The following TASP1 variants were observed in gnomAD, a reference collection of about 807,000 sequenced individuals.
TASP1 encodes the protein threonine aspartase 1.
A neutral mutation model predicts 56.6 loss-of-function variants in TASP1; 16 were observed. The ratio of observed to expected loss-of-function variants is 0.28; its 90% confidence interval spans 0.19 to 0.43. The LOEUF (loss-of-function observed/expected upper bound fraction) is 0.43, where lower values mean the gene tolerates loss of function less well. TASP1 is among the 20% of genes least tolerant of loss of function. TASP1 has a pLI of 1.00. For synonymous variants in TASP1, 179 were observed against 184.2 expected (o/e 0.97, Z 0.23); for missense variants, 393 against 511.6 (o/e 0.77, Z 2.24).
At chr20:13,251,809 C>T in the TASP1 span, among the ~76,000 whole-genome samples, 2 of 152,082 alleles carry the variant, frequency 1.3e-5, no homozygotes, top group African/African-American at 2.4e-5. Flanking sequence ...CTTTTCTGTA[C>T]GCCACTGGGG....
chr20:13,634,728 CAAAAAAAA>C (rs559609508), intron 1 of TASP1, among the ~76,000 whole-genome samples: 3 of 53,416 alleles, frequency 5.6e-5, no homozygotes, highest in Non-Finnish European at 7.7e-5. Context: ...AAACTCCGTC[CAAAAAAAA>C]AAAAAAAAAA....
the TASP1 span, among the ~76,000 whole-genome samples, chr20:13,131,742 CT>C: frequency 1.1e-4 from 16 of 152,170 alleles, no homozygotes. Flanking sequence ...TTGCTCTTGC[CT>C]TTTTATGGCT....
At chr20:13,353,976 A>G in the TASP1 span, among the ~76,000 whole-genome samples, 2 of 152,214 alleles carry the variant, frequency 1.3e-5, no homozygotes, top group Non-Finnish European at 2.9e-5. Flanking sequence ...AAGTCTCACA[A>G]AACTTAACAT....
At chr20:13,610,812 A>G (rs2048325369) in intron 4 of TASP1, among the ~76,000 whole-genome samples, 1 of 152,162 alleles carries the variant, frequency 6.6e-6, no homozygotes, top group African/African-American at 2.4e-5. Flanking sequence ...ACCTCCAACA[A>G]TTCTAATCCA....
At chr20:13,298,905 A>G in the TASP1 span, 39 of 1,601,456 alleles carry the variant, frequency 2.4e-5, no homozygotes, top group Non-Finnish European at 3.2e-5. Context: ...GGCCGGTTGT[A>G]CACGCGGTGA....
intron 10 of TASP1, among the ~76,000 whole-genome samples, chr20:13,499,571 C>T (rs1187377957): frequency 6.6e-6 from 1 of 152,018 alleles, no homozygotes; most frequent in Non-Finnish European, 1.5e-5. Context: ...ATACTTGGAG[C>T]ATCTGCAGCC....
intron 7 of TASP1, among the ~76,000 whole-genome samples, chr20:13,567,374 T>C (rs1247462363): frequency 6.6e-6 from 1 of 152,140 alleles, no homozygotes; most frequent in Non-Finnish European, 1.5e-5. Context: ...CCCTGTGACA[T>C]GAGTTTACCT....
chr20:13,114,501 G>A, the TASP1 span, among the ~76,000 whole-genome samples: 7 of 152,144 alleles, frequency 4.6e-5, no homozygotes, highest in African/African-American at 1.7e-4. Flanking sequence ...ATAATAGTCA[G>A]CTCTTCTAAA....
the TASP1 span, among the ~76,000 whole-genome samples, chr20:13,180,846 T>C: frequency 6.6e-6 from 1 of 152,192 alleles, no homozygotes; most frequent in South Asian, 2.1e-4. Flanking sequence ...GAGATGCTCA[T>C]GTTCTGGCAA....
At chr20:13,470,441 C>A (rs1600899973) in intron 11 of TASP1, among the ~76,000 whole-genome samples, 1 of 152,102 alleles carries the variant, frequency 6.6e-6, no homozygotes, top group Non-Finnish European at 1.5e-5. Flanking sequence ...CCCATCTTTT[C>A]TTTTTCCTTT....
chr20:13,459,118 C>A (rs1363961536), intron 11 of TASP1, among the ~76,000 whole-genome samples: 1 of 152,084 alleles, frequency 6.6e-6, no homozygotes, highest in Non-Finnish European at 1.5e-5. Context: ...TGTCATAATA[C>A]CTAGTTGACT....
chr20:13,169,416 G>A, the TASP1 span, among the ~76,000 whole-genome samples: 3 of 152,002 alleles, frequency 2.0e-5, no homozygotes, highest in Non-Finnish European at 4.4e-5. Context: ...CAATACAAAC[G>A]TAAGAGTAAA....
chr20:13,110,283 G>T, the TASP1 span: 1 of 1,353,810 alleles, frequency 7.4e-7, no homozygotes. Flanking sequence ...GTGCGGAAAG[G>T]CTCACCTTTC....
the TASP1 span, chr20:13,221,902 A>G: frequency 7.3e-7 from 1 of 1,373,378 alleles, no homozygotes; most frequent in African/African-American, 1.5e-5. Context: ...ACGCCAGCCA[A>G]GCCCAGCTGC....
At chr20:13,330,569 G>A in the TASP1 span, among the ~76,000 whole-genome samples, 1 of 152,168 alleles carries the variant, frequency 6.6e-6, no homozygotes, top group Non-Finnish European at 1.5e-5. Flanking sequence ...ATCTCCTAGA[G>A]GAGATCATGT....
chr20:13,390,350 G>A lies in TASP1; in HGVS notation c.*10C>T. 1 of 1,613,410 alleles carries A rather than the reference G, an allele frequency of 6.2e-7. No individual in the cohort carries two copies. Among genetic ancestry groups the A allele is most frequent in the Non-Finnish European group, 8.5e-7 (1 of 1,179,524 alleles). ...ATGCCTCTGAGACGCTTCACACTCA[G>A]CCTGAAGGGTCAGTTCACTGGGCTC... On this transcript the variant is annotated 3_prime_UTR_variant, in exon 14 of 14. Coordinates refer to ENST00000337743, the MANE Select transcript of TASP1 (RefSeq NM_017714.3).
intron 4 of TASP1, among the ~76,000 whole-genome samples, chr20:13,601,153 C>G (rs1212871846): frequency 6.6e-6 from 1 of 152,006 alleles, no homozygotes; most frequent in Non-Finnish European, 1.5e-5. Context: ...ATGGCAGGCA[C>G]CTGTAGTCCC....
chr20:13,471,625 G>A (rs1205488184), intron 11 of TASP1, among the ~76,000 whole-genome samples: 1 of 152,072 alleles, frequency 6.6e-6, no homozygotes, highest in Admixed American at 6.6e-5. Context: ...CTACAAATTA[G>A]TACCTCATCT....
chr20:13,453,340 A>C lies in TASP1; in HGVS notation c.986-18186T>G, dbSNP rs76909307. ...TATAAAAGACAGCAACTGGTGGCCA[A>C]GACGTTCAAGAGAGTGGTATTGTCT... On this transcript the variant is annotated intron_variant, in intron 11 of 13. Transcript: ENST00000337743. Among the ~76,000 whole-genome samples the C allele has an allele frequency of 6.7e-3, 1,014 of 152,250 alleles. 12 individuals carry two copies. The highest frequency in any genetic ancestry group is 0.023 in the African/African-American group (963 of 41,566).
Sources: allele counts gnomAD v4.1 joint callset (sites outside exome capture counted in the v4.1 genomes callset), GRCh38; gene constraint gnomAD v4.1.1; transcripts MANE v1.5; gene names NCBI Gene and HGNC (gene_info 2026-07-23, HGNC 2026-07-21).